Variants in LUZP2 observed in about 807,000 individuals in gnomAD.
The protein encoded by LUZP2 is leucine zipper protein 2.
A neutral mutation model predicts 51.6 loss-of-function variants in LUZP2; 52 were observed. That is an observed-to-expected ratio of 1.01 (90% CI 0.81 to 1.27). LUZP2 has a LOEUF of 1.27. LUZP2 is among the 50% of genes most tolerant of loss of function. LUZP2 has a pLI of 0.00. For synonymous variants in LUZP2, 154 were observed against 137.3 expected, an observed-to-expected ratio of 1.12 and a Z score of -0.85; for missense variants, 436 against 395.4, an observed-to-expected ratio of 1.10 and a Z score of -0.87.
At chr11:24,687,294 C>T (rs886871933) in intron 1 of LUZP2, among the ~76,000 whole-genome samples, 7 of 152,036 alleles carry the variant, frequency 4.6e-5, no homozygotes, top group Non-Finnish European at 1.0e-4. Context: ...ATATACTTTT[C>T]GGGAATTTTA....
At chr11:24,906,631 A>C (rs1462769762) in intron 6 of LUZP2, among the ~76,000 whole-genome samples, 1 of 152,178 alleles carries the variant, frequency 6.6e-6, no homozygotes, top group Non-Finnish European at 1.5e-5. Context: ...GTAATGTGAA[A>C]ATGTAGCTCA....
At chr11:24,681,514 G>A (rs1398331992) in intron 1 of LUZP2, among the ~76,000 whole-genome samples, 1 of 152,100 alleles carries the variant, frequency 6.6e-6, no homozygotes, top group African/African-American at 2.4e-5. Flanking sequence ...CTCATGCATA[G>A]GAGACAGTGG....
At chr11:24,684,488 T>C (rs1856839524) in intron 1 of LUZP2, among the ~76,000 whole-genome samples, 1 of 152,198 alleles carries the variant, frequency 6.6e-6, no homozygotes, top group South Asian at 2.1e-4. Context: ...AATCCAATTT[T>C]TGTGGCTGTG....
chr11:24,601,912 G>GTA (rs1436965251), intron 1 of LUZP2, among the ~76,000 whole-genome samples: 33 of 136,856 alleles, frequency 2.4e-4, no homozygotes, highest in African/African-American at 8.3e-4. Context: ...ATGTATATAT[G>GTA]TATATATGTA....
At chr11:25,014,248 C>T (rs1857073704) in intron 9 of LUZP2, among the ~76,000 whole-genome samples, 1 of 152,140 alleles carries the variant, frequency 6.6e-6, no homozygotes, top group Non-Finnish European at 1.5e-5. Context: ...GTTTTATAAT[C>T]CTTTGGGTAT....
In LUZP2 at chr11:24,857,312, T is replaced by TACACAC. The variant is rs34365598; in HGVS notation, c.397-48665_397-48660dup. On this transcript the variant is annotated intron_variant, in intron 5 of 11. Coordinates refer to ENST00000336930, the MANE Select transcript of LUZP2 (RefSeq NM_001009909.4). ...ATACATATATATATATACATATATA[T>TACACAC]ACACACACACACACACACATATATA... 3.9e-3 allele frequency among the ~76,000 whole-genome samples: 516 copies of TACACAC among 133,212 alleles called. 2 individuals carry two copies. The highest frequency in any genetic ancestry group is 0.015 in the African/African-American group (485 of 33,292). The allele number at this position is 133,212 out of a possible 152,430, so 87.4% of individuals were successfully genotyped here.
intron 1 of LUZP2, among the ~76,000 whole-genome samples, chr11:24,682,641 TAC>T (rs947645293): frequency 1.2e-4 from 17 of 137,510 alleles, no homozygotes; most frequent in African/African-American, 2.4e-4. Flanking sequence ...CACATATATA[TAC>T]ACACACACAC....
At position 24,913,669 on chromosome 11, in the gene LUZP2, T is replaced by TTGTGTGTGTGTGTG. The variant is rs35901522; in HGVS notation, c.460-793_460-780dup. ...CATGTGATCATGCTAATCTATTTATTTGTGTGTGTGTGTGTGTGTGTGTGT... is the reference window on the plus strand; with the variant it reads ...CATGTGATCATGCTAATCTATTTATTTGTGTGTGTGTGTGTGTGTGTGTGTGTGTGTGTGTGTGT... On this transcript the variant is annotated intron_variant, in intron 6 of 11. Transcript: ENST00000336930. Among the ~76,000 whole-genome samples, 276 of 148,540 alleles carry TTGTGTGTGTGTGTG rather than the reference T, an allele frequency of 1.9e-3. 2 individuals are homozygous for TTGTGTGTGTGTGTG. Among genetic ancestry groups the TTGTGTGTGTGTGTG allele is most frequent in the African/African-American group, 6.4e-3 (262 of 40,664 alleles).
intron 9 of LUZP2, among the ~76,000 whole-genome samples, chr11:24,994,293 T>C (rs1167397411): frequency 3.3e-5 from 5 of 152,152 alleles, no homozygotes. Context: ...GCATATGATT[T>C]AATTTGAGTT....
At chr11:24,674,708 GA>G (rs574433287) in intron 1 of LUZP2, among the ~76,000 whole-genome samples, 106 of 151,046 alleles carry the variant, frequency 7.0e-4, no homozygotes, top group Admixed American at 1.2e-3. Context: ...ACACAGAGAA[GA>G]AAAAAAAAGT....
intron 4 of LUZP2, among the ~76,000 whole-genome samples, chr11:24,750,543 A>G (rs993601793): frequency 3.9e-5 from 6 of 152,206 alleles, no homozygotes; most frequent in African/African-American, 7.2e-5. Context: ...ATATTCTACC[A>G]GTTGGTAACT....
chr11:24,849,667 T>C (rs1268187742), intron 5 of LUZP2, among the ~76,000 whole-genome samples: 1 of 152,182 alleles, frequency 6.6e-6, no homozygotes, highest in Non-Finnish European at 1.5e-5. Context: ...GGTAAAATGG[T>C]ATTTCTTGTT....
At chr11:24,896,937 CA>C (rs1266530778) in intron 5 of LUZP2, among the ~76,000 whole-genome samples, 4 of 152,100 alleles carry the variant, frequency 2.6e-5, no homozygotes, top group African/African-American at 9.7e-5. Flanking sequence ...GTAAATACAC[CA>C]ATCAGCACTC....
At chr11:24,949,208 T>G (rs1855000142) in intron 7 of LUZP2, among the ~76,000 whole-genome samples, 1 of 151,436 alleles carries the variant, frequency 6.6e-6, no homozygotes, top group Admixed American at 6.6e-5. Context: ...CTCTTTGTTT[T>G]GTTTAGGGCT....
intron 1 of LUZP2, among the ~76,000 whole-genome samples, chr11:24,520,685 C>A (rs1339207918): frequency 6.6e-6 from 1 of 152,172 alleles, no homozygotes; most frequent in Non-Finnish European, 1.5e-5. Context: ...TATACAGGAA[C>A]CAATACCAGA....
intron 5 of LUZP2, among the ~76,000 whole-genome samples, chr11:24,803,735 C>T (rs962434972): frequency 1.3e-5 from 2 of 152,002 alleles, no homozygotes; most frequent in African/African-American, 4.8e-5. Context: ...TATGAAAAGA[C>T]AAATGTGGTG....
intron 1 of LUZP2, among the ~76,000 whole-genome samples, chr11:24,582,692 T>A (rs973954798): frequency 1.3e-5 from 2 of 152,154 alleles, no homozygotes; most frequent in African/African-American, 4.8e-5. Flanking sequence ...AATGTGCAAC[T>A]ATCACTCATC....
At chr11:24,903,586 C>A (rs1249564278) in intron 5 of LUZP2, among the ~76,000 whole-genome samples, 1 of 152,098 alleles carries the variant, frequency 6.6e-6, no homozygotes, top group African/African-American at 2.4e-5. Context: ...AATTGGCCCT[C>A]CTTGGAGTTA....
intron 1 of LUZP2, among the ~76,000 whole-genome samples, chr11:24,547,208 A>G (rs370534953): frequency 3.5e-5 from 1 of 28,770 alleles, no homozygotes; most frequent in Non-Finnish European, 9.6e-5. Flanking sequence ...AATTAGAAAA[A>G]AAAAAACTAT....
Sources: gnomAD v4.1 joint callset for allele counts (sites outside exome capture counted in the v4.1 genomes callset) on GRCh38, gnomAD v4.1.1 for gene constraint, MANE v1.5 for transcripts, NCBI Gene and HGNC (gene_info 2026-07-23, HGNC 2026-07-21) for gene names.